Variants in FAS observed in about 807,000 individuals in gnomAD.
FAS encodes Fas cell surface death receptor, also known as tumor necrosis factor receptor superfamily member 6.
FAS carries 5 observed loss-of-function variants against 33.2 expected under a neutral mutation model. The observed-to-expected ratio is 0.15, with a 90% CI of 0.08 to 0.32. The LOEUF is 0.32. Ranked by LOEUF, FAS falls within the 10% of genes least tolerant of loss-of-function variation. The pLI, the probability that FAS is intolerant of heterozygous loss-of-function variation, is 1.00. For missense variants in FAS, 339 were observed against 386.0 expected (o/e 0.88, Z 1.02); for synonymous variants, 131 against 130.7 (o/e 1.00, Z -0.01).
At chr10:88,994,158 T>C (rs908270980) in intron 1 of FAS, among the ~76,000 whole-genome samples, 1 of 152,188 alleles carries the variant, frequency 6.6e-6, no homozygotes, top group Admixed American at 6.5e-5. Flanking sequence ...TACTGACACA[T>C]AGGAGAAGTG....
upstream of FAS, among the ~76,000 whole-genome samples, chr10:88,984,643 C>T (rs1454923853): frequency 6.6e-6 from 1 of 151,672 alleles, no homozygotes; most frequent in African/African-American, 2.4e-5. Flanking sequence ...TGATGTGGTC[C>T]ATGCTCTCTG....
chr10:89,006,411 ATTTTG>A (rs1488286370), intron 2 of FAS, among the ~76,000 whole-genome samples: 2 of 152,220 alleles, frequency 1.3e-5, no homozygotes, highest in African/African-American at 2.4e-5. Flanking sequence ...TGTAGTAAAT[ATTTTG>A]TTTTATCAAA....
chr10:88,998,178 T>C (rs1374430514), intron 1 of FAS, among the ~76,000 whole-genome samples: 1 of 152,206 alleles, frequency 6.6e-6, no homozygotes, highest in Non-Finnish European at 1.5e-5. Flanking sequence ...TGGTTCCTTC[T>C]GAGGACCACG....
rs895337240 is a variant in FAS, at chr10:89,016,236, G to A, written c.*1786G>A. 3 of 216,872 alleles carry A rather than the reference G, an allele frequency of 1.4e-5. No homozygotes were observed. The highest frequency in any genetic ancestry group is 1.9e-5 in the Non-Finnish European group (2 of 107,848). The allele number at this position is 216,872 out of a possible 1,614,324, so 13.4% of individuals were successfully genotyped here. On this transcript the variant is annotated 3_prime_UTR_variant, in exon 9 of 9. Transcript: ENST00000652046. Reference sequence around the variant, plus strand: ...AGCATTTCAACATGTAAGCATGTCGGTAAGATAGTTGTGCTTTGCTTAGGG... The same window carrying A: ...AGCATTTCAACATGTAAGCATGTCGATAAGATAGTTGTGCTTTGCTTAGGG...
chr10:88,982,025 G>A (rs879527264), upstream of FAS, among the ~76,000 whole-genome samples: 2 of 152,184 alleles, frequency 1.3e-5, no homozygotes, highest in Non-Finnish European at 2.9e-5. Flanking sequence ...ATATAAAAGG[G>A]TCTAACACAT....
At chr10:88,998,347 C>CAAA (rs3074154) in intron 1 of FAS, among the ~76,000 whole-genome samples, 141 of 141,778 alleles carry the variant, frequency 9.9e-4, no homozygotes, top group African/African-American at 3.5e-3. Flanking sequence ...TAAAAAAAAG[C>CAAA]AAAAAAAAAA....
Position 89,003,059 on chromosome 10 carries a change from A to G in FAS, c.61A>G (p.Lys21Glu), listed in dbSNP as rs1174183388. 9.3e-6 allele frequency: 15 copies of G among 1,614,022 alleles called. No individual in the cohort carries two copies. The highest frequency in any genetic ancestry group is 8.9e-5 in the East Asian group (4 of 44,890). The change falls in exon 2 of 9, where the codon AAA (lysine) becomes GAA (glutamate). Residue 21 changes from lysine (K) to glutamate (E), a missense_variant. Physicochemically the swap from Lys to Glu is moderately conservative, Grantham distance 56. Around this residue, in one of 3 missense-constraint regions of FAS, gnomAD observed 276 missense variants for 300.1 expected, o/e 0.92. Transcript: ENST00000652046. ...VLTSVARLSS[K>E]SVNAQVTDIN... ...TACGTCTGTTGCTAGATTATCGTCC[A>G]AAAGTGTTAATGCCCAAGTGACTGA...
chr10:88,996,891 T>C (rs938917316), intron 1 of FAS, among the ~76,000 whole-genome samples: 1 of 152,198 alleles, frequency 6.6e-6, no homozygotes, highest in African/African-American at 2.4e-5. Flanking sequence ...GCTTTATTCT[T>C]GTATGACCCA....
intron 4 of FAS, 79 bp from the exon 5 acceptor site, chr10:89,010,460 A>C: frequency 8.4e-7 from 1 of 1,193,796 alleles, no homozygotes; most frequent in South Asian, 1.3e-5. Context: ...AATGGCCCCT[A>C]ATTTACAAAG....
chr10:88,991,748 G>C (rs1177842910), intron 1 of FAS: 3 of 152,170 alleles, frequency 2.0e-5, no homozygotes, highest in Non-Finnish European at 4.4e-5. Context: ...TGGGGTTGGT[G>C]GTACTCGTTC....
chr10:88,984,062 G>C (rs867894646), upstream of FAS, among the ~76,000 whole-genome samples: 1 of 152,318 alleles, frequency 6.6e-6, no homozygotes. Context: ...CCTCAGGTGA[G>C]GGGAGGGTTA....
At chr10:88,998,865 A>G (rs1164611517) in intron 1 of FAS, among the ~76,000 whole-genome samples, 1 of 152,188 alleles carries the variant, frequency 6.6e-6, no homozygotes, top group East Asian at 1.9e-4. Flanking sequence ...CCTTTACAAA[A>G]AAAAATTCGG....
upstream of FAS, among the ~76,000 whole-genome samples, chr10:88,988,089 A>G (rs1358571428): frequency 1.3e-5 from 2 of 152,144 alleles, no homozygotes; most frequent in African/African-American, 4.8e-5. Flanking sequence ...CTCTACAATC[A>G]CGTGAGCCAA....
intron 3 of FAS, among the ~76,000 whole-genome samples, chr10:89,008,624 T>A (rs1848367117): frequency 6.6e-6 from 1 of 152,160 alleles, no homozygotes; most frequent in African/African-American, 2.4e-5. Flanking sequence ...GGTCACCCTT[T>A]GAGTGTTAAG....
chr10:88,978,714 A>C (rs1467392301), intron 2 of FAS, among the ~76,000 whole-genome samples: 1 of 152,174 alleles, frequency 6.6e-6, no homozygotes, highest in Non-Finnish European at 1.5e-5. Flanking sequence ...GAAGATGTCT[A>C]GGTGTCTGGG....
chr10:89,010,621 A>G (rs374826057), intron 5 of FAS, 21 bp downstream of exon 5: 64 of 1,612,304 alleles, frequency 4.0e-5, no homozygotes, highest in Non-Finnish European at 2.2e-5. Context: ...TTTTACGGTT[A>G]TATTCTCCTT....
chr10:88,970,893 G>A (rs1039006878), intron 1 of FAS, among the ~76,000 whole-genome samples: 19 of 151,762 alleles, frequency 1.3e-4, no homozygotes, highest in South Asian at 4.2e-4. Context: ...GTGTGTGTGT[G>A]TGTGTATATA....
At chr10:89,011,924 T>C in intron 6 of FAS, 75 bp from the exon 7 acceptor site, 1 of 1,249,112 alleles carries the variant, frequency 8.0e-7, no homozygotes, top group Non-Finnish European at 1.2e-6. Context: ...ATATTTCTCT[T>C]AGTGTGAAAG....
At chr10:88,977,782 C>T (rs1392000221) in intron 2 of FAS, among the ~76,000 whole-genome samples, 2 of 119,910 alleles carry the variant, frequency 1.7e-5, no homozygotes, top group Admixed American at 8.9e-5. Flanking sequence ...GAAATAGGAA[C>T]ACTTTTACAC....
Sources: gnomAD v4.1 joint callset for allele counts (sites outside exome capture counted in the v4.1 genomes callset) on GRCh38, gnomAD v4.1.1 for gene constraint, gnomAD v4.1.1 regional missense constraint, MANE v1.5 for transcripts, NCBI Gene and HGNC (gene_info 2026-07-23, HGNC 2026-07-21) for gene names.